The following AKAP8L variants were observed in gnomAD, a reference collection of about 807,000 sequenced individuals.
AKAP8L encodes A-kinase anchoring protein 8 like.
In AKAP8L, 34 loss-of-function variants were observed where a neutral mutation model predicts 77.5. That is an observed-to-expected ratio of 0.44 (90% CI 0.33 to 0.58). AKAP8L has a LOEUF of 0.58. Among genes scored for constraint, AKAP8L ranks in the 20% least tolerant of loss-of-function variants. The pLI is 0.02. For missense variants in AKAP8L, 806 were observed against 887.6 expected (o/e 0.91, Z 1.17); for synonymous variants, 342 against 340.7 (o/e 1.00, Z -0.04).
intron 12 of AKAP8L, among the ~76,000 whole-genome samples, chr19:15,386,148 G>C (rs1450048665): frequency 3.3e-5 from 5 of 152,020 alleles, no homozygotes; most frequent in Non-Finnish European, 7.4e-5. Context: ...CTGACCTCGT[G>C]ATCCGCCTGC....
In AKAP8L at chr19:15,381,619, AT is replaced by A. The variant is rs796464317; in HGVS notation, c.1537-1008del. Among the ~76,000 whole-genome samples, 1,001 of 147,122 alleles carry A rather than the reference AT, an allele frequency of 6.8e-3. 8 individuals carry two copies. Among genetic ancestry groups the A allele is most frequent in the African/African-American group, 0.016 (641 of 40,262 alleles). ...TGCTGTTTCTACTCTCTCCATCTTCATTTTTTTTTTTCCTTAGCACGTTTTC... is the reference window on the plus strand; with the variant it reads ...TGCTGTTTCTACTCTCTCCATCTTCATTTTTTTTTTCCTTAGCACGTTTTC... On this transcript the variant is annotated intron_variant, in intron 12 of 13. Transcript: ENST00000397410.
intron 2 of AKAP8L, chr19:15,404,363 A>G (rs887070573): frequency 1.8e-5 from 6 of 331,128 alleles, no homozygotes; most frequent in African/African-American, 1.3e-4. Flanking sequence ...CTAAGTGCTA[A>G]TCAGTTTATA....
intron 2 of AKAP8L, among the ~76,000 whole-genome samples, chr19:15,406,406 C>CGAGAGAGAGAGAGAGAGAGAGA (rs1968002338): frequency 3.6e-5 from 2 of 55,150 alleles, no homozygotes; most frequent in Non-Finnish European, 3.7e-5. Context: ...AGAGAGAGAT[C>CGAGAGAGAGAGAGAGAGAGAGA]CTTAAAATTT....
rs1967837123 is a variant in AKAP8L, at chr19:15,399,159, G to A, written c.1157+143C>T. On this transcript the variant is annotated intron_variant, in intron 9 of 13. Transcript: ENST00000397410. The surrounding 1 kb of genome is among the most constrained non-coding windows in gnomAD (Gnocchi z 6.1). Reference sequence around the variant, plus strand: ...AGGCCTTGGGAGCTGGGCCTGGCGGGAAGCAGGGTCCATGCACGGCCGAGC... The same window carrying A: ...AGGCCTTGGGAGCTGGGCCTGGCGGAAAGCAGGGTCCATGCACGGCCGAGC... 7 of 722,728 alleles carry A rather than the reference G, an allele frequency of 9.7e-6. No individual in the cohort carries two copies. In the Admixed American group the frequency reaches 1.6e-4, roughly 17 times the overall value. The allele number at this position is 722,728 out of a possible 1,614,324, so 44.8% of individuals were successfully genotyped here. A position where few individuals can be genotyped will look rare whatever the true frequency, so the allele number is the denominator to read the frequency against.
intron 2 of AKAP8L, among the ~76,000 whole-genome samples, chr19:15,406,303 C>A (rs1353335371): frequency 6.7e-6 from 1 of 149,392 alleles, no homozygotes; most frequent in Non-Finnish European, 1.5e-5. Context: ...TGAAAGAACA[C>A]CCCAACTCAT....
In AKAP8L at chr19:15,401,372, C is replaced by A; in HGVS notation, c.594G>T (p.Gly198=). Residue 198 remains glycine, a synonymous_variant, in exon 5 of 14, where the codon GGG becomes GGT. Transcript: ENST00000397410. This position sits in a 1 kb window ranked among gnomAD's most constrained non-coding sequence, Gnocchi z 6.2. ...CCCCCATGGGGTCTTCCCACATGCG[C>A]CCATAGCCTGAGGCCATTGGCCGGC... The part of the protein sequence containing the change: ...RSGRPMASGY[G]RMWEDPMGAR... 6.2e-7 allele frequency: 1 copy of A among 1,613,314 alleles called. No homozygotes were observed. Among genetic ancestry groups the A allele is most frequent in the Non-Finnish European group, 8.5e-7 (1 of 1,179,834 alleles).
At chr19:15,417,597 G>A (rs1306262739) in intron 1 of AKAP8L, 1 of 152,196 alleles carries the variant, frequency 6.6e-6, no homozygotes, top group Non-Finnish European at 1.5e-5. Context: ...CTGGGGGATG[G>A]TTGCTAGAAA....
intron 12 of AKAP8L, among the ~76,000 whole-genome samples, chr19:15,393,408 A>C (rs1463784251): frequency 6.6e-6 from 1 of 152,218 alleles, no homozygotes; most frequent in Non-Finnish European, 1.5e-5. Context: ...AATGGGTGAA[A>C]ATATTTGTAA....
Position 15,398,929 on chromosome 19 carries a change from T to C in AKAP8L, c.1157+373A>G. 7.6e-6 allele frequency: 4 copies of C among 524,562 alleles called. No homozygotes were observed. Among genetic ancestry groups the C allele is most frequent in the Non-Finnish European group, 1.1e-5 (4 of 370,318 alleles). The allele number at this position is 524,562 out of a possible 1,614,324, so 32.5% of individuals were successfully genotyped here. Reference sequence around the variant, plus strand: ...CGGCGGTGGCCTCTTGGCAGCTAGCTGGGGCGGCACAGGCGCCTTGGACCT... The same window carrying C: ...CGGCGGTGGCCTCTTGGCAGCTAGCCGGGGCGGCACAGGCGCCTTGGACCT... On this transcript the variant is annotated intron_variant, in intron 9 of 13. Coordinates refer to ENST00000397410, the MANE Select transcript of AKAP8L (RefSeq NM_014371.4). The surrounding 1 kb of genome is among the most constrained non-coding windows in gnomAD (Gnocchi z 9.2).
In AKAP8L at chr19:15,401,063, A is replaced by T. The variant is rs374264041; in HGVS notation, c.817-20T>A. ...CTTGGTCTGGGTCATAAGGGGGGGA[A>T]GCCGTGTCAGGGTGCATGGCACCCG... On this transcript the variant is annotated intron_variant, in intron 5 of 13. Transcript: ENST00000397410. The surrounding 1 kb of genome is among the most constrained non-coding windows in gnomAD (Gnocchi z 6.2). 2.3e-5 allele frequency: 37 copies of T among 1,610,476 alleles called. No individual in the cohort carries two copies. Among genetic ancestry groups the T allele is most frequent in the Non-Finnish European group, 3.1e-5 (37 of 1,179,852 alleles).
rs1967799368 is a variant in AKAP8L at position 15,397,454 on chromosome 19, T to C, written c.1405+66A>G. On this transcript the variant is annotated intron_variant, in intron 11 of 13. Transcript: ENST00000397410. This position sits in a 1 kb window ranked among gnomAD's most constrained non-coding sequence, Gnocchi z 4.7. ...GGGGAACAGAAGGGTGTCCTGACCCTGCACCGAAAATCAGGAGTGCAGGCT... is the reference window on the plus strand; with the variant it reads ...GGGGAACAGAAGGGTGTCCTGACCCCGCACCGAAAATCAGGAGTGCAGGCT... 3.3e-6 allele frequency: 5 copies of C among 1,526,512 alleles called. No homozygotes were observed. The highest frequency in any genetic ancestry group is 2.3e-5 in the South Asian group (2 of 87,512). 94.6% of individuals were successfully genotyped at this position (1,526,512 alleles called of 1,614,324 possible). A position where few individuals can be genotyped will look rare whatever the true frequency, so the allele number is the denominator to read the frequency against.
In AKAP8L at chr19:15,380,541, G is replaced by A. The variant is rs1416633406; in HGVS notation, c.1608C>T (p.Ser536=). ...ARSILNNKLI[S]KKLERYLKGE... The stretch of plus-strand genomic sequence containing the variant: ...CCTTCAGGTAGCGCTCCAGCTTCTT[G>A]CTGATGAGCTTGTTGTTGAGAATAC... The change falls in exon 13 of 14, where the codon AGC becomes AGT. Residue 536 remains serine, a synonymous_variant. Transcript: ENST00000397410. 1.2e-6 allele frequency: 2 copies of A among 1,613,950 alleles called. No homozygotes were observed. The highest frequency in any genetic ancestry group is 1.7e-6 in the Non-Finnish European group (2 of 1,179,898).
chr19:15,410,449 C>A, intron 2 of AKAP8L, 71 bp downstream of exon 2: 1 of 1,378,064 alleles, frequency 7.3e-7, no homozygotes, highest in Middle Eastern at 2.3e-4. Flanking sequence ...GACAGCAAAG[C>A]CAAAGGCAAC....
intron 2 of AKAP8L, among the ~76,000 whole-genome samples, chr19:15,410,012 G>A (rs1419648975): frequency 5.3e-5 from 8 of 151,784 alleles, no homozygotes; most frequent in Middle Eastern, 3.4e-3. Flanking sequence ...GCATGATATC[G>A]GCTCACTGTA....
At chr19:15,388,316 G>A (rs959956167) in intron 12 of AKAP8L, among the ~76,000 whole-genome samples, 15 of 148,808 alleles carry the variant, frequency 1.0e-4, no homozygotes, top group Admixed American at 6.9e-4. Flanking sequence ...AAGATGTCTA[G>A]TTAACAGTGA....
At chr19:15,404,752 G>A (rs1293868922) in intron 2 of AKAP8L, among the ~76,000 whole-genome samples, 1 of 152,132 alleles carries the variant, frequency 6.6e-6, no homozygotes, top group Non-Finnish European at 1.5e-5. Flanking sequence ...TCTCTGCCCC[G>A]CAGAGGACAT....
Position 15,399,600 on chromosome 19 carries a change from C to A in AKAP8L, c.1049-190G>T. ...CAGGGAGTGGGTTTGGCCTAGGCCC[C>A]AAGGAGTGGGGGCCAGGCGATGACC... On this transcript the variant is annotated intron_variant, in intron 8 of 13. Coordinates refer to ENST00000397410, the MANE Select transcript of AKAP8L (RefSeq NM_014371.4). The surrounding 1 kb of genome is among the most constrained non-coding windows in gnomAD (Gnocchi z 6.1). 1 of 600,988 alleles carries A rather than the reference C, an allele frequency of 1.7e-6. No individual in the cohort carries two copies. Among genetic ancestry groups the A allele is most frequent in the Non-Finnish European group, 3.0e-6 (1 of 335,542 alleles). 37.2% of individuals were successfully genotyped at this position (600,988 alleles called of 1,614,324 possible).
intron 12 of AKAP8L, among the ~76,000 whole-genome samples, chr19:15,387,830 A>C (rs1268170016): frequency 6.6e-5 from 10 of 152,096 alleles, no homozygotes. Flanking sequence ...GTGGTAGCAC[A>C]TGCCTGTAAT....
At chr19:15,393,626 A>C (rs909648312) in intron 12 of AKAP8L, among the ~76,000 whole-genome samples, 2 of 152,188 alleles carry the variant, frequency 1.3e-5, no homozygotes, top group African/African-American at 4.8e-5. Flanking sequence ...GACTAGATCA[A>C]AAAGTCAGAA....
Sources: gnomAD v4.1 joint callset for allele counts (sites outside exome capture counted in the v4.1 genomes callset) on GRCh38, gnomAD v4.1.1 for gene constraint, Gnocchi (gnomAD v3.1) non-coding constraint, MANE v1.5 for transcripts, NCBI Gene and HGNC (gene_info 2026-07-23, HGNC 2026-07-21) for gene names.